CLASP2: variants seen among roughly 807,000 people sequenced by gnomAD.
CLASP2 encodes cytoplasmic linker associated protein 2.
A neutral mutation model predicts 194.4 loss-of-function variants in CLASP2; 47 were observed. That is an observed-to-expected ratio of 0.24 (90% CI 0.19 to 0.31). CLASP2 has a LOEUF of 0.31. Among genes scored for constraint, CLASP2 ranks in the 10% least tolerant of loss-of-function variants. The probability of loss-of-function intolerance (pLI) is 1.00; values close to 1 mark genes in which losing one functional copy is unlikely to be tolerated. For synonymous variants in CLASP2, 619 were observed against 633.5 expected, an observed-to-expected ratio of 0.98 and a Z score of 0.34; for missense variants, 1,445 against 1,823.6, an observed-to-expected ratio of 0.79 and a Z score of 3.78.
At chr3:33,539,485 C>T (rs2057963362) in intron 32 of CLASP2, among the ~76,000 whole-genome samples, 2 of 152,122 alleles carry the variant, frequency 1.3e-5, no homozygotes, top group Non-Finnish European at 2.9e-5. Context: ...CAGGCGCCGG[C>T]CACCACACCT....
chr3:33,554,299 A>T (rs1169922057), intron 29 of CLASP2, among the ~76,000 whole-genome samples: 1 of 152,068 alleles, frequency 6.6e-6, no homozygotes, highest in Non-Finnish European at 1.5e-5. Context: ...AATGTGGTAT[A>T]TATACACAAT....
Position 33,570,709 on chromosome 3 carries a change from TTAAA to T in CLASP2, c.2763+14_2763+17del. 6.3e-7 allele frequency: 1 copy of T among 1,586,244 alleles called. No homozygotes were observed. Among genetic ancestry groups the T allele is most frequent in the African/African-American group, 1.3e-5 (1 of 74,158 alleles). On this transcript the variant is annotated intron_variant, in intron 26 of 38. Transcript: ENST00000682230. ...TGATACCCTATAGAAATAAATAATC[TTAAA>T]TACTAAAACATACCTTGCCATGAGG...
intron 22 of CLASP2, among the ~76,000 whole-genome samples, chr3:33,583,974 C>G (rs1034498916): frequency 2.0e-5 from 3 of 152,016 alleles, no homozygotes; most frequent in Admixed American, 2.0e-4. Flanking sequence ...ATTAGTCAAT[C>G]CTGAAGGCCG....
At chr3:33,629,862 T>C (rs2078742640) in intron 9 of CLASP2, among the ~76,000 whole-genome samples, 1 of 148,616 alleles carries the variant, frequency 6.7e-6, no homozygotes, top group Non-Finnish European at 1.5e-5. Context: ...CAAGAAACCA[T>C]GGTTATCAAA....
chr3:33,529,983 T>TTA (rs2055795220), intron 34 of CLASP2, among the ~76,000 whole-genome samples: 1 of 15,838 alleles, frequency 6.3e-5, no homozygotes, highest in Non-Finnish European at 1.1e-4. Context: ...AGACTCCGTC[T>TTA]CAAAAAAAAA....
intron 23 of CLASP2, chr3:33,577,305 G>A (rs1245654721): frequency 6.6e-7 from 1 of 1,510,752 alleles, no homozygotes; most frequent in Admixed American, 1.7e-5. Flanking sequence ...TATTACCACA[G>A]AAACAAGGAA....
chr3:33,609,582 TTTTCCTCCAC>T (rs2074659539), intron 13 of CLASP2, among the ~76,000 whole-genome samples: 1 of 152,188 alleles, frequency 6.6e-6, no homozygotes, highest in Admixed American at 6.5e-5. Flanking sequence ...TATTAACACT[TTTTCCTCCAC>T]TTTCCCTTAA....
At chr3:33,574,509 A>C (rs1468750671) in intron 24 of CLASP2, 4 of 1,497,410 alleles carry the variant, frequency 2.7e-6, no homozygotes, top group South Asian at 1.2e-5. Context: ...GAGAGCAGTA[A>C]ATTTTTAAAG....
At chr3:33,510,792 A>G in intron 36 of CLASP2, 28 bp from the exon 37 acceptor site, 1 of 1,554,990 alleles carries the variant, frequency 6.4e-7, no homozygotes, top group Non-Finnish European at 8.7e-7. Flanking sequence ...TTAAGCCAGA[A>G]AGTAATTTTT....
At chr3:33,594,291 G>A (rs914991213) in intron 20 of CLASP2, among the ~76,000 whole-genome samples, 5 of 151,944 alleles carry the variant, frequency 3.3e-5, no homozygotes, top group African/African-American at 1.2e-4. Context: ...AAAACTTAGA[G>A]GAAAAAAATT....
chr3:33,584,980 G>A, intron 21 of CLASP2, 60 bp from the exon 22 acceptor site: 21 of 1,455,142 alleles, frequency 1.4e-5, no homozygotes, highest in East Asian at 9.6e-5. Context: ...TTTGCTGAAA[G>A]GATAAAAATT....
Position 33,574,423 on chromosome 3 carries a change from A to G in CLASP2, c.2455-1069T>C, listed in dbSNP as rs781089193. Reference sequence around the variant, plus strand: ...CCATCATTTGTTAAATTGATGAAAGAAAAAAAAGTTATGGTATCATAAGAT... The same window carrying G: ...CCATCATTTGTTAAATTGATGAAAGGAAAAAAAGTTATGGTATCATAAGAT... On this transcript the variant is annotated intron_variant, in intron 24 of 38. Coordinates refer to ENST00000682230, the MANE Select transcript of CLASP2 (RefSeq NM_001365631.1). 3.3e-5 allele frequency: 40 copies of G among 1,199,910 alleles called. No homozygotes were observed. The Middle Eastern group carries it at 2.1e-3, about 64-fold the overall frequency. 74.3% of individuals were successfully genotyped at this position (1,199,910 alleles called of 1,614,324 possible). A position where few individuals can be genotyped will look rare whatever the true frequency, so the allele number is the denominator to read the frequency against.
At chr3:33,632,604 T>G (rs997392518) in intron 8 of CLASP2, among the ~76,000 whole-genome samples, 20 of 106,512 alleles carry the variant, frequency 1.9e-4, no homozygotes, top group South Asian at 3.2e-4. Flanking sequence ...TTCAAACTGT[T>G]AAGAACACAG....
intron 18 of CLASP2, among the ~76,000 whole-genome samples, chr3:33,601,585 T>A (rs948497208): frequency 3.3e-5 from 5 of 152,354 alleles, no homozygotes; most frequent in Admixed American, 1.3e-4. Context: ...GAGATTTTTT[T>A]CCTTCATGGC....
At chr3:33,640,034 G>A (rs1489581969) in intron 8 of CLASP2, among the ~76,000 whole-genome samples, 1 of 152,104 alleles carries the variant, frequency 6.6e-6, no homozygotes, top group South Asian at 2.1e-4. Flanking sequence ...AATCTTTAAC[G>A]CCCCTTTAAG....
In CLASP2 at chr3:33,635,196, G is replaced by A. The variant is rs570556795; in HGVS notation, c.863-2825C>T. Among the ~76,000 whole-genome samples the A allele has an allele frequency of 8.5e-5, 13 of 152,070 alleles. No homozygotes were observed. The South Asian group carries it at 2.7e-3, about 32-fold the overall frequency. On this transcript the variant is annotated intron_variant, in intron 8 of 38. Transcript: ENST00000682230. Reference sequence around the variant, plus strand: ...AATCGCTTGAACCTGGGAGGCAGAGGTTGCAGTGAGTGTGAACTGAGATCG... The same window carrying A: ...AATCGCTTGAACCTGGGAGGCAGAGATTGCAGTGAGTGTGAACTGAGATCG...
At chr3:33,686,411 C>T (rs2090678995) in intron 5 of CLASP2, among the ~76,000 whole-genome samples, 1 of 152,142 alleles carries the variant, frequency 6.6e-6, no homozygotes, top group African/African-American at 2.4e-5. Flanking sequence ...CCTGTCAGAT[C>T]GGTGGCAGCA....
chr3:33,592,179 CACA>C (rs1175297460), intron 21 of CLASP2: 2 of 703,846 alleles, frequency 2.8e-6, no homozygotes, highest in South Asian at 1.5e-5. Flanking sequence ...CCAAAACATG[CACA>C]ACAACTGATC....
chr3:33,671,389 C>A (rs1282074257), intron 6 of CLASP2, among the ~76,000 whole-genome samples: 1 of 152,104 alleles, frequency 6.6e-6, no homozygotes, highest in African/African-American at 2.4e-5. Context: ...AGTAACAGAA[C>A]CAGATCCAGT....
Sources: gnomAD v4.1 joint callset for allele counts (sites outside exome capture counted in the v4.1 genomes callset) on GRCh38, gnomAD v4.1.1 for gene constraint, MANE v1.5 for transcripts, NCBI Gene and HGNC (gene_info 2026-07-23, HGNC 2026-07-21) for gene names.